CBLN2: variants seen among roughly 807,000 people sequenced by gnomAD.
CBLN2 encodes cerebellin-2.
A neutral mutation model predicts 15.0 loss-of-function variants in CBLN2; 7 were observed. The ratio of observed to expected loss-of-function variants is 0.47; its 90% CI spans 0.27 to 0.88. CBLN2 has a LOEUF of 0.88. Ranked by LOEUF, CBLN2 falls within the 40% of genes least tolerant of loss-of-function variation. CBLN2 has a pLI of 0.14. For missense variants in CBLN2, 242 were observed against 304.5 expected (o/e 0.79, Z 1.53); for synonymous variants, 149 against 135.2 (o/e 1.10, Z -0.71).
intron 1 of CBLN2, among the ~76,000 whole-genome samples, chr18:72,623,907 C>T (rs547090472): frequency 6.6e-6 from 1 of 152,276 alleles, no homozygotes; most frequent in East Asian, 1.9e-4. Context: ...AAAAATACTT[C>T]TGCTTTTTAT....
upstream of CBLN2, among the ~76,000 whole-genome samples, chr18:72,547,655 A>G (rs1830760633): frequency 1.3e-5 from 2 of 152,102 alleles, no homozygotes; most frequent in South Asian, 4.1e-4. Context: ...TAATATACAT[A>G]AATAATATAT....
chr18:72,550,333 C>T (rs1037859167), intron 1 of CBLN2, among the ~76,000 whole-genome samples: 2 of 152,148 alleles, frequency 1.3e-5, no homozygotes, highest in African/African-American at 4.8e-5. Context: ...GAATAGATTA[C>T]ATTGCACCAT....
intron 1 of CBLN2, among the ~76,000 whole-genome samples, chr18:72,556,673 A>G (rs2069228691): frequency 6.6e-6 from 1 of 152,202 alleles, no homozygotes; most frequent in Non-Finnish European, 1.5e-5. Context: ...TAGTGAGACT[A>G]CTGGTTCTAA....
At chr18:72,604,035 G>A (rs79481314) in intron 1 of CBLN2, among the ~76,000 whole-genome samples, 1,766 of 152,238 alleles carry the variant, frequency 0.012, 37 homozygotes, top group African/African-American at 0.04. Context: ...GTCCAGCACC[G>A]ATTACATCGG....
At chr18:72,555,509 G>A (rs1307734639) in intron 1 of CBLN2, among the ~76,000 whole-genome samples, 3 of 152,116 alleles carry the variant, frequency 2.0e-5, no homozygotes, top group East Asian at 1.9e-4. Flanking sequence ...AGTTGTTGCC[G>A]TTGAAAGTAA....
At chr18:72,551,108 T>C (rs966229084) in intron 1 of CBLN2, among the ~76,000 whole-genome samples, 2 of 152,076 alleles carry the variant, frequency 1.3e-5, no homozygotes, top group South Asian at 2.1e-4. Flanking sequence ...TAGTATAGCA[T>C]CTTTACTTTT....
At chr18:72,601,786 G>C (rs1020672928) in intron 1 of CBLN2, among the ~76,000 whole-genome samples, 4 of 152,140 alleles carry the variant, frequency 2.6e-5, no homozygotes, top group Admixed American at 1.3e-4. Context: ...TAAGCGGGAG[G>C]GGGGCTCCAG....
At chr18:72,615,044 T>C (rs1222831296) in intron 1 of CBLN2, among the ~76,000 whole-genome samples, 1 of 138,522 alleles carries the variant, frequency 7.2e-6, no homozygotes, top group Admixed American at 7.8e-5. Context: ...TACATATATA[T>C]ATATATATAT....
chr18:72,607,478 T>C (rs532906460), intron 1 of CBLN2, among the ~76,000 whole-genome samples: 44 of 152,334 alleles, frequency 2.9e-4, no homozygotes, highest in South Asian at 1.0e-3. Flanking sequence ...TGTGGCTACC[T>C]TCTTTGTATT....
intron 1 of CBLN2, among the ~76,000 whole-genome samples, chr18:72,604,763 C>CTCTGCAGAG (rs1163954106): frequency 1.3e-5 from 2 of 152,214 alleles, no homozygotes; most frequent in Non-Finnish European, 2.9e-5. Context: ...ACGTGATGCC[C>CTCTGCAGAG]TCTGCAGAGT....
At chr18:72,633,740 A>T (rs116640680) in intron 1 of CBLN2, among the ~76,000 whole-genome samples, 158 of 152,264 alleles carry the variant, frequency 1.0e-3, no homozygotes, top group African/African-American at 3.5e-3. Context: ...GTGTACTTAA[A>T]CATTTTAATT....
chr18:72,546,701 T>G (rs554507403), upstream of CBLN2, among the ~76,000 whole-genome samples: 1 of 152,282 alleles, frequency 6.6e-6, no homozygotes, highest in Admixed American at 6.5e-5. Context: ...ACCATGTCTT[T>G]TGTCTGGGAT....
At chr18:72,597,406 C>T (rs1415485973) in intron 1 of CBLN2, among the ~76,000 whole-genome samples, 2 of 152,210 alleles carry the variant, frequency 1.3e-5, no homozygotes, top group Admixed American at 6.5e-5. Context: ...GTCTCTCATT[C>T]TGTGCTTAGC....
At chr18:72,556,867 A>AG (rs2069230092) in intron 1 of CBLN2, among the ~76,000 whole-genome samples, 1 of 152,158 alleles carries the variant, frequency 6.6e-6, no homozygotes. Flanking sequence ...GGAAAAAAAA[A>AG]CTCTTAAAAC....
intron 2 of CBLN2, among the ~76,000 whole-genome samples, chr18:72,542,656 G>A (rs1403483022): frequency 1.3e-5 from 2 of 152,048 alleles, no homozygotes; most frequent in African/African-American, 4.8e-5. Context: ...GCGCGGAGGG[G>A]GCTAAGACGC....
intron 1 of CBLN2, among the ~76,000 whole-genome samples, chr18:72,624,310 C>T (rs1169645215): frequency 2.6e-5 from 4 of 151,940 alleles, no homozygotes; most frequent in African/African-American, 9.7e-5. Flanking sequence ...TTTGTAAAAC[C>T]GCATGTTTTT....
At chr18:72,633,098 T>A (rs890772498) in intron 1 of CBLN2, among the ~76,000 whole-genome samples, 3 of 152,218 alleles carry the variant, frequency 2.0e-5, no homozygotes, top group African/African-American at 7.2e-5. Context: ...GTCGGGTATG[T>A]ACTAAGTATT....
intron 1 of CBLN2, among the ~76,000 whole-genome samples, chr18:72,585,026 T>A (rs954801557): frequency 4.6e-5 from 7 of 152,194 alleles, no homozygotes; most frequent in Non-Finnish European, 1.0e-4. Flanking sequence ...ATGCTGCATC[T>A]GGACCAGGTA....
chr18:72,550,673 A>T (rs2069186381), intron 1 of CBLN2, among the ~76,000 whole-genome samples: 1 of 151,980 alleles, frequency 6.6e-6, no homozygotes, highest in Non-Finnish European at 1.5e-5. Flanking sequence ...AACATAACAC[A>T]CATTGCCTTA....
Sources: allele counts gnomAD v4.1 joint callset (sites outside exome capture counted in the v4.1 genomes callset), GRCh38; gene constraint gnomAD v4.1.1; transcripts MANE v1.5; gene names NCBI Gene and HGNC (gene_info 2026-07-23, HGNC 2026-07-21).